Variants in PDE1C observed in about 807,000 individuals in gnomAD.
The protein encoded by PDE1C is dual specificity calcium/calmodulin-dependent 3',5'-cyclic nucleotide phosphodiesterase 1C.
A neutral mutation model predicts 93.1 loss-of-function variants in PDE1C; 62 were observed. The observed-to-expected ratio is 0.67, with a 90% CI of 0.54 to 0.82. The LOEUF (loss-of-function observed/expected upper bound fraction) is 0.82. PDE1C is among the 40% of genes least tolerant of loss of function. The probability of loss-of-function intolerance (pLI) is 0.00; values close to 1 mark genes in which losing one functional copy is unlikely to be tolerated. For synonymous variants in PDE1C, 325 were observed against 310.1 expected (o/e 1.05, Z -0.50); for missense variants, 742 against 884.6 (o/e 0.84, Z 2.04).
rs181999335 is a variant in PDE1C at position 32,169,933 on chromosome 7, A to T, written c.160T>A (p.Trp54Arg). The T allele has an allele frequency of 3.2e-4, 515 of 1,612,630 alleles. No individual in the cohort carries two copies. The African/African-American group carries it at 6.2e-3, about 19-fold the overall frequency. The change falls in exon 3 of 19, where the codon TGG (tryptophan) becomes AGG (arginine). Residue 54 changes from tryptophan (W) to arginine (R), a missense_variant. Coordinates refer to the PDE1C transcript ENST00000396193. The stretch of plus-strand genomic sequence containing the variant: ...GTGAGCCCATCGATGAGGGAGTTCC[A>T]CAGACAGTTCTGTGACTTAGACCCT...
the PDE1C span, among the ~76,000 whole-genome samples, chr7:31,730,317 C>G: frequency 6.6e-6 from 1 of 152,204 alleles, no homozygotes; most frequent in Non-Finnish European, 1.5e-5. Context: ...TGACCTCCAT[C>G]TCAGCTCTCA....
intron 2 of PDE1C, among the ~76,000 whole-genome samples, chr7:31,898,444 T>C (rs953634059): frequency 1.3e-5 from 2 of 152,190 alleles, no homozygotes; most frequent in African/African-American, 4.8e-5. Context: ...CCCTTGTTAT[T>C]AAGAGTTTTT....
intron 2 of PDE1C, among the ~76,000 whole-genome samples, chr7:31,978,656 C>T (rs1017105096): frequency 6.6e-6 from 1 of 152,180 alleles, no homozygotes; most frequent in African/African-American, 2.4e-5. Flanking sequence ...GTAGATGCAG[C>T]ACTGGAACCC....
intron 1 of PDE1C, among the ~76,000 whole-genome samples, chr7:32,335,004 C>G (rs1349737893): frequency 6.6e-6 from 1 of 152,108 alleles, no homozygotes; most frequent in African/African-American, 2.4e-5. Context: ...TTTGTAAAAT[C>G]TTTCTTCTCC....
At chr7:31,680,142 T>C in the PDE1C span, among the ~76,000 whole-genome samples, 2 of 152,194 alleles carry the variant, frequency 1.3e-5, no homozygotes, top group African/African-American at 4.8e-5. Flanking sequence ...ACCAAATTAA[T>C]ATTCAAGCAA....
chr7:32,248,868 G>A (rs1248325848), intron 1 of PDE1C, among the ~76,000 whole-genome samples: 1 of 152,194 alleles, frequency 6.6e-6, no homozygotes, highest in Non-Finnish European at 1.5e-5. Flanking sequence ...GTACGTGAAT[G>A]CTGCTGTGTA....
intron 1 of PDE1C, among the ~76,000 whole-genome samples, chr7:32,390,866 A>G (rs1354816712): frequency 6.6e-6 from 1 of 152,106 alleles, no homozygotes; most frequent in African/African-American, 2.4e-5. Context: ...AAAATAAAAT[A>G]AAATAAAACT....
intron 17 of PDE1C, among the ~76,000 whole-genome samples, chr7:31,771,285 G>T (rs1265830803): frequency 6.6e-6 from 1 of 152,142 alleles, no homozygotes; most frequent in African/African-American, 2.4e-5. Context: ...TCTTGACTTT[G>T]CCTTTGGCCA....
the PDE1C span, among the ~76,000 whole-genome samples, chr7:31,717,995 C>T: frequency 1.3e-5 from 2 of 152,082 alleles, no homozygotes; most frequent in Admixed American, 1.3e-4. Context: ...TGATTTAATA[C>T]AAGGATATGA....
At chr7:32,147,984 T>TAAAA (rs752433564) in intron 3 of PDE1C, among the ~76,000 whole-genome samples, 11,477 of 79,370 alleles carry the variant, frequency 0.14, 1,566 homozygotes, top group East Asian at 0.44. Context: ...CCATTTATGC[T>TAAAA]AAAAAAAAAA....
chr7:32,389,737 G>A (rs1784716965), intron 1 of PDE1C, among the ~76,000 whole-genome samples: 1 of 152,198 alleles, frequency 6.6e-6, no homozygotes, highest in Non-Finnish European at 1.5e-5. Context: ...GTTAAGTAAT[G>A]ACGACTTATC....
chr7:31,902,363 C>T (rs1800089644), intron 2 of PDE1C, among the ~76,000 whole-genome samples: 1 of 151,852 alleles, frequency 6.6e-6, no homozygotes, highest in Non-Finnish European at 1.5e-5. Context: ...TAAAATTTCA[C>T]TGGGATTTCA....
the PDE1C span, among the ~76,000 whole-genome samples, chr7:31,724,975 AT>A: frequency 7.2e-5 from 11 of 152,202 alleles, no homozygotes; most frequent in Admixed American, 1.3e-4. Context: ...GGAAAATACC[AT>A]TTAAAAATCC....
rs532226384 is a variant in PDE1C at position 32,305,148 on chromosome 7, A to C, written c.311-95609T>G. On this transcript the variant is annotated intron_variant, in intron 1 of 1. Coordinates refer to the PDE1C transcript ENST00000672256. ...ACAGCGCCTGCTCAATCACTCTTCCATTCATAAGACCCAGCCTCCATCACC... is the reference window on the plus strand; with the variant it reads ...ACAGCGCCTGCTCAATCACTCTTCCCTTCATAAGACCCAGCCTCCATCACC... Among the ~76,000 whole-genome samples the C allele has an allele frequency of 8.5e-5, 13 of 152,266 alleles. No homozygotes were observed. In the South Asian group the frequency reaches 2.7e-3, roughly 32 times the overall value.
intron 1 of PDE1C, among the ~76,000 whole-genome samples, chr7:32,270,985 A>AC (rs1810920499): frequency 6.6e-6 from 1 of 151,972 alleles, no homozygotes; most frequent in Admixed American, 6.5e-5. Context: ...AGAAAAAAAA[A>AC]AAATTAGCCA....
chr7:32,156,537 C>T (rs1801586903), intron 3 of PDE1C, among the ~76,000 whole-genome samples: 1 of 152,172 alleles, frequency 6.6e-6, no homozygotes, highest in Non-Finnish European at 1.5e-5. Flanking sequence ...TGATGGACCA[C>T]CCCACCTCGC....
the PDE1C span, among the ~76,000 whole-genome samples, chr7:31,634,230 T>C: frequency 2.6e-5 from 4 of 152,204 alleles, no homozygotes; most frequent in Non-Finnish European, 5.9e-5. Flanking sequence ...AGGGTAAAAT[T>C]CATCTCCATG....
At chr7:32,152,693 C>T (rs1181678502) in intron 3 of PDE1C, among the ~76,000 whole-genome samples, 1 of 152,122 alleles carries the variant, frequency 6.6e-6, no homozygotes, top group African/African-American at 2.4e-5. Context: ...CATAGCATTC[C>T]TTTAAAGAGT....
intron 1 of PDE1C, among the ~76,000 whole-genome samples, chr7:32,391,131 A>G (rs575459989): frequency 4.8e-4 from 73 of 152,268 alleles, no homozygotes; most frequent in South Asian, 1.7e-3. Flanking sequence ...TATACAGTCT[A>G]CAAGAGGCAC....
Sources: gnomAD v4.1 joint callset for allele counts (sites outside exome capture counted in the v4.1 genomes callset) on GRCh38, gnomAD v4.1.1 for gene constraint, MANE v1.5 for transcripts, NCBI Gene and HGNC (gene_info 2026-07-23, HGNC 2026-07-21) for gene names.